TUSC3: variants seen among roughly 807,000 people sequenced by gnomAD.
TUSC3 encodes dolichyl-diphosphooligosaccharide--protein glycosyltransferase subunit TUSC3.
TUSC3 carries 45 observed loss-of-function variants against 44.8 expected under a neutral mutation model. The observed-to-expected ratio is 1.00, with a 90% CI of 0.79 to 1.29. The LOEUF is 1.29. Among genes scored for constraint, TUSC3 ranks in the 50% most tolerant of loss-of-function variants. The pLI, the probability that TUSC3 is intolerant of heterozygous loss-of-function variation, is 0.00. For missense variants in TUSC3, 519 were observed against 437.9 expected, an observed-to-expected ratio of 1.19 and a Z score of -1.65; for synonymous variants, 212 against 152.9, an observed-to-expected ratio of 1.39 and a Z score of -2.85.
chr8:15,780,312 C>T, the TUSC3 span, among the ~76,000 whole-genome samples: 2 of 152,144 alleles, frequency 1.3e-5, no homozygotes, highest in African/African-American at 4.8e-5. Flanking sequence ...GAATTCCTAA[C>T]ATACAGCTGT....
chr8:15,605,201 T>A (rs964598075), intron 1 of TUSC3, among the ~76,000 whole-genome samples: 3 of 151,874 alleles, frequency 2.0e-5, no homozygotes, highest in Non-Finnish European at 4.4e-5. Flanking sequence ...AAGATTAGTA[T>A]AGGAACAGCA....
At chr8:15,637,290 C>G (rs1467737766) in intron 2 of TUSC3, among the ~76,000 whole-genome samples, 1 of 151,918 alleles carries the variant, frequency 6.6e-6, no homozygotes, top group African/African-American at 2.4e-5. Flanking sequence ...TCTTAATGTC[C>G]TTTATTTATT....
At chr8:15,801,310 T>C in the TUSC3 span, among the ~76,000 whole-genome samples, 1 of 152,090 alleles carries the variant, frequency 6.6e-6, no homozygotes, top group Admixed American at 6.6e-5. Context: ...CCTGAGAGCA[T>C]TTTTGGGAGA....
chr8:15,689,705 C>G (rs957194360), intron 6 of TUSC3: 2 of 152,252 alleles, frequency 1.3e-5, no homozygotes, highest in African/African-American at 2.4e-5. Context: ...GAGAACATGG[C>G]TCTATTTGGT....
rs139166529 is a variant in TUSC3 at position 15,715,213 on chromosome 8, C to T, written c.799-15453C>T. On this transcript the variant is annotated intron_variant, in intron 6 of 10. Coordinates refer to ENST00000503731, the MANE Select transcript of TUSC3 (RefSeq NM_006765.4). ...AAACTCTATATATATTGTGTTTTTT[C>T]CTAAACATGCATACCAGGATGAAGT... is the stretch of plus-strand genomic sequence containing the variant. Among the ~76,000 whole-genome samples the T allele has an allele frequency of 4.0e-3, 609 of 152,020 alleles. 9 individuals carry two copies. Among genetic ancestry groups the T allele is most frequent in the African/African-American group, 0.014 (594 of 41,478 alleles).
At chr8:15,794,079 G>A in the TUSC3 span, among the ~76,000 whole-genome samples, 1 of 152,156 alleles carries the variant, frequency 6.6e-6, no homozygotes. Context: ...TCTGATGGAT[G>A]AATGAACTGT....
rs144694233 is a variant in TUSC3 at position 15,738,178 on chromosome 8, T to C, written c.863-5360T>C. 3.1e-3 allele frequency among the ~76,000 whole-genome samples: 475 copies of C among 152,268 alleles called. 2 individuals carry two copies. The highest frequency in any genetic ancestry group is 0.011 in the African/African-American group (463 of 41,534). On this transcript the variant is annotated intron_variant, in intron 7 of 10. Coordinates refer to ENST00000503731, the MANE Select transcript of TUSC3 (RefSeq NM_006765.4). Reference sequence around the variant, plus strand: ...TTCTGAGAAAGAGATCATACTTACTTACTGACCCCGCTGATTTCTAACAAA... The same window carrying C: ...TTCTGAGAAAGAGATCATACTTACTCACTGACCCCGCTGATTTCTAACAAA...
chr8:15,487,372 A>G (rs1318159057), intron 2 of TUSC3, among the ~76,000 whole-genome samples: 1 of 152,178 alleles, frequency 6.6e-6, no homozygotes, highest in Admixed American at 6.5e-5. Flanking sequence ...ATTAAAGTCT[A>G]AATACCTGAT....
At chr8:15,704,852 C>T (rs1033757479) in intron 6 of TUSC3, among the ~76,000 whole-genome samples, 7 of 151,672 alleles carry the variant, frequency 4.6e-5, no homozygotes, top group African/African-American at 9.7e-5. Context: ...AACTGGGAAT[C>T]AAAAGGGTTA....
chr8:15,778,054 G>C, the TUSC3 span, among the ~76,000 whole-genome samples: 1 of 149,700 alleles, frequency 6.7e-6, no homozygotes, highest in South Asian at 2.1e-4. Flanking sequence ...CAGAGACTCT[G>C]CCTTCAATCT....
chr8:15,598,436 T>C (rs1804154808), intron 1 of TUSC3, among the ~76,000 whole-genome samples: 1 of 151,940 alleles, frequency 6.6e-6, no homozygotes, highest in Admixed American at 6.6e-5. Context: ...GGTACATTTG[T>C]TAAAATTCAT....
chr8:15,584,821 T>C (rs896410801), intron 1 of TUSC3, among the ~76,000 whole-genome samples: 2 of 152,272 alleles, frequency 1.3e-5, no homozygotes, highest in Middle Eastern at 3.4e-3. Flanking sequence ...GGATCTTTTA[T>C]ATGTACAGGG....
intron 9 of TUSC3, among the ~76,000 whole-genome samples, chr8:15,754,793 A>AT (rs1259947183): frequency 6.0e-5 from 9 of 150,096 alleles, no homozygotes; most frequent in Non-Finnish European, 7.4e-5. Context: ...CTTTAAACTA[A>AT]TTTTTTTTAC....
the TUSC3 span, among the ~76,000 whole-genome samples, chr8:15,785,465 T>A: frequency 6.6e-6 from 1 of 152,080 alleles, no homozygotes; most frequent in Non-Finnish European, 1.5e-5. Context: ...TTTTTTTTTT[T>A]TTCTATTCAG....
intron 7 of TUSC3, among the ~76,000 whole-genome samples, chr8:15,735,280 A>G (rs1008627551): frequency 1.3e-5 from 2 of 152,150 alleles, no homozygotes; most frequent in Non-Finnish European, 2.9e-5. Flanking sequence ...GCTGTTTTAG[A>G]GGAAGAAGAA....
At chr8:15,438,351 C>T (rs750408823) in intron 1 of TUSC3, among the ~76,000 whole-genome samples, 43 of 152,154 alleles carry the variant, frequency 2.8e-4, no homozygotes, top group Non-Finnish European at 5.4e-4. Context: ...CTGCCTCGGC[C>T]CCCCAAAGTG....
At chr8:15,720,283 T>G (rs1364496187) in intron 6 of TUSC3, among the ~76,000 whole-genome samples, 1 of 151,530 alleles carries the variant, frequency 6.6e-6, no homozygotes, top group Non-Finnish European at 1.5e-5. Flanking sequence ...GTTTACCGAT[T>G]AAATATAAAG....
At chr8:15,774,162 A>G in the TUSC3 span, among the ~76,000 whole-genome samples, 2 of 152,202 alleles carry the variant, frequency 1.3e-5, no homozygotes, top group African/African-American at 4.8e-5. Context: ...TCCAAAATAT[A>G]TAACGAATTC....
chr8:15,540,434 G>C lies in TUSC3; in HGVS notation c.4G>C (p.Gly2Arg), dbSNP rs775634777. MGARGAPSRRRQ... is the reference protein window; with the variant it reads MRARGAPSRRRQ... ...GAGGAGACACTGCCCTGCCGCGATGGGGGCCCGGGGCGCTCCTTCACGCCG... is the reference window on the plus strand; with the variant it reads ...GAGGAGACACTGCCCTGCCGCGATGCGGGCCCGGGGCGCTCCTTCACGCCG... Residue 2 changes from glycine (G) to arginine (R), a missense_variant, in exon 1 of 11, where the codon GGG (glycine) becomes CGG (arginine). Gly to Arg is a moderately radical substitution (Grantham distance 125). Coordinates refer to ENST00000503731, the MANE Select transcript of TUSC3 (RefSeq NM_006765.4). 4 of 1,590,412 alleles carry C rather than the reference G, an allele frequency of 2.5e-6. No individual in the cohort carries two copies. The highest frequency in any genetic ancestry group is 1.8e-5 in the Admixed American group (1 of 57,086).
Sources: gnomAD v4.1 joint callset for allele counts (sites outside exome capture counted in the v4.1 genomes callset) on GRCh38, gnomAD v4.1.1 for gene constraint, MANE v1.5 for transcripts, NCBI Gene and HGNC (gene_info 2026-07-23, HGNC 2026-07-21) for gene names.